Variants in NBEA observed in about 807,000 individuals in gnomAD.
NBEA encodes the protein neurobeachin.
In NBEA, 44 loss-of-function variants were observed where a neutral mutation model predicts 343.4. That is an observed-to-expected ratio of 0.13 (90% CI 0.10 to 0.16). NBEA has a LOEUF of 0.16. Among genes scored for constraint, NBEA ranks in the 10% least tolerant of loss-of-function variants. NBEA has a pLI of 1.00. For synonymous variants in NBEA, 1,175 were observed against 1,238.7 expected (o/e 0.95, Z 1.08); for missense variants, 2,555 against 3,631.3 (o/e 0.70, Z 7.62).
intron 31 of NBEA, among the ~76,000 whole-genome samples, chr13:35,207,729 C>T (rs567507529): frequency 6.6e-6 from 1 of 152,078 alleles, no homozygotes; most frequent in East Asian, 1.9e-4. Flanking sequence ...TTAAAGAAAC[C>T]AAGGCTCAAA....
rs540197303 is a variant in NBEA at position 35,538,044 on chromosome 13, T to G, written c.6586-12433T>G. Among the ~76,000 whole-genome samples the G allele has an allele frequency of 3.3e-5, 5 of 152,312 alleles. No homozygotes were observed. In the South Asian group the frequency reaches 1.0e-3, roughly 32 times the overall value. The stretch of plus-strand genomic sequence containing the variant: ...CTCTGATTGGACCAGCCAGCCAAAT[T>G]CATGATAGCATGGCTCTGATGGTTT... On this transcript the variant is annotated intron_variant, in intron 41 of 58. Coordinates refer to ENST00000379939, the MANE Select transcript of NBEA (RefSeq NM_001385012.1).
intron 13 of NBEA, among the ~76,000 whole-genome samples, chr13:35,115,799 AGTCTAATT>A (rs1593394619): frequency 2.0e-5 from 3 of 152,328 alleles, no homozygotes; most frequent in Admixed American, 6.5e-5. Context: ...GCCTGGTACT[AGTCTAATT>A]CCTTTACATA....
intron 1 of NBEA, among the ~76,000 whole-genome samples, chr13:35,039,694 A>G (rs192894435): frequency 6.6e-6 from 1 of 152,144 alleles, no homozygotes; most frequent in Non-Finnish European, 1.5e-5. Context: ...TATTATTACT[A>G]TTTATCCTAT....
At chr13:35,410,894 A>G (rs1308740039) in intron 38 of NBEA, among the ~76,000 whole-genome samples, 1 of 152,158 alleles carries the variant, frequency 6.6e-6, no homozygotes, top group Non-Finnish European at 1.5e-5. Context: ...GGACTCTCTG[A>G]TGAAGCTTTC....
At chr13:35,668,640 C>A in intron 58 of NBEA, 121 bp downstream of exon 58, 28 of 989,176 alleles carry the variant, frequency 2.8e-5, no homozygotes, top group South Asian at 2.0e-4. Flanking sequence ...GAAAGACTGG[C>A]AAAGAAAAGG....
chr13:35,460,310 G>C (rs1032208429), intron 40 of NBEA, among the ~76,000 whole-genome samples: 2 of 152,132 alleles, frequency 1.3e-5, no homozygotes, highest in Admixed American at 6.5e-5. Context: ...GAGTCTTTAT[G>C]AGTCTTTTTT....
At chr13:35,310,496 C>T (rs914690450) in intron 36 of NBEA, among the ~76,000 whole-genome samples, 1 of 152,160 alleles carries the variant, frequency 6.6e-6, no homozygotes, top group Non-Finnish European at 1.5e-5. Context: ...GCATGGCTGA[C>T]TCACAAAGGT....
intron 38 of NBEA, among the ~76,000 whole-genome samples, chr13:35,422,518 T>A (rs528018676): frequency 0.013 from 2,055 of 152,286 alleles, 59 homozygotes; most frequent in African/African-American, 0.047. Context: ...ATGGTGTATA[T>A]GTGCCACATT....
Position 35,183,988 on chromosome 13 carries a change from C to T in NBEA, c.4844C>T (p.Pro1615Leu). ...ATTTTCTCCACAGTTGTGGTCATAC[C>T]ATCTATCCCTCATCCAAGTTTGAAC... ...NSPTSTVVVI[P>L]SIPHPSLNHG... The change falls in exon 30 of 59, where the codon CCA becomes CTA. Residue 1615 changes from proline to leucine, a missense_variant. Physicochemically the swap from Pro to Leu is moderately conservative, Grantham distance 98. This residue lies in a region of NBEA where 270 missense variants were observed against 293.3 expected (regional missense o/e 0.92). Coordinates refer to ENST00000379939, the MANE Select transcript of NBEA (RefSeq NM_001385012.1). 1 of 1,610,370 alleles carries T rather than the reference C, an allele frequency of 6.2e-7. No individual in the cohort carries two copies. The highest frequency in any genetic ancestry group is 8.5e-7 in the Non-Finnish European group (1 of 1,177,734).
intron 38 of NBEA, among the ~76,000 whole-genome samples, chr13:35,420,411 AATGCACTACATTGATTCT>A (rs1220982928): frequency 1.3e-5 from 2 of 151,998 alleles, no homozygotes; most frequent in African/African-American, 4.8e-5. Flanking sequence ...CTGTTAATGT[AATGCACTACATTGATTCT>A]TAAGGATTTT....
chr13:35,033,793 CT>C (rs1478489864), intron 1 of NBEA, among the ~76,000 whole-genome samples: 1 of 151,402 alleles, frequency 6.6e-6, no homozygotes, highest in East Asian at 1.9e-4. Flanking sequence ...TTTTAAATTT[CT>C]TTTTCACATT....
chr13:35,099,255 C>G (rs1391772829), intron 11 of NBEA, among the ~76,000 whole-genome samples: 6 of 141,682 alleles, frequency 4.2e-5, no homozygotes, highest in Non-Finnish European at 6.1e-5. Flanking sequence ...CTGGAGTGCA[C>G]TGGCTCAATC....
intron 44 of NBEA, among the ~76,000 whole-genome samples, chr13:35,557,278 A>G (rs1273848421): frequency 6.6e-6 from 1 of 152,084 alleles, no homozygotes; most frequent in Non-Finnish European, 1.5e-5. Flanking sequence ...AGTTTCCCAC[A>G]GTGTGGTACA....
intron 34 of NBEA, among the ~76,000 whole-genome samples, chr13:35,239,365 T>C (rs1008673169): frequency 1.6e-4 from 25 of 152,006 alleles, no homozygotes; most frequent in African/African-American, 5.8e-4. Context: ...ATTAACTAAA[T>C]GAGGGTTATA....
chr13:35,155,479 G>T (rs2069108716), intron 18 of NBEA, among the ~76,000 whole-genome samples: 1 of 152,052 alleles, frequency 6.6e-6, no homozygotes, highest in South Asian at 2.1e-4. Context: ...CAAAAAATTA[G>T]CCAGGCGTGG....
intron 17 of NBEA, among the ~76,000 whole-genome samples, chr13:35,133,519 A>T (rs2067544064): frequency 6.6e-6 from 1 of 152,126 alleles, no homozygotes; most frequent in Non-Finnish European, 1.5e-5. Flanking sequence ...ATGTGTGTGA[A>T]CAGTGTTCAA....
chr13:35,197,449 G>T (rs1031780856), intron 31 of NBEA, among the ~76,000 whole-genome samples: 1 of 151,958 alleles, frequency 6.6e-6, no homozygotes, highest in Non-Finnish European at 1.5e-5. Flanking sequence ...GACTGCTCTT[G>T]TTCTAAGTAA....
At chr13:35,070,916 A>G in intron 10 of NBEA, 64 bp downstream of exon 10, 1 of 1,535,202 alleles carries the variant, frequency 6.5e-7, no homozygotes, top group Middle Eastern at 2.4e-4. Flanking sequence ...TGCATGATGT[A>G]CTCAGTGCTG....
chr13:35,056,492 A>T (rs2063266310), intron 7 of NBEA, among the ~76,000 whole-genome samples: 1 of 152,150 alleles, frequency 6.6e-6, no homozygotes. Flanking sequence ...TTAATTACAT[A>T]GTGATAAATG....
Sources: gnomAD v4.1 joint callset for allele counts (sites outside exome capture counted in the v4.1 genomes callset) on GRCh38, gnomAD v4.1.1 for gene constraint, gnomAD v4.1.1 regional missense constraint, MANE v1.5 for transcripts, NCBI Gene and HGNC (gene_info 2026-07-23, HGNC 2026-07-21) for gene names.